Variants in KAZN observed in about 807,000 individuals in gnomAD.
KAZN encodes the protein kazrin, periplakin interacting protein, also known as kazrin.
KAZN carries 40 observed loss-of-function variants against 87.4 expected under a neutral mutation model. The observed-to-expected ratio is 0.46, with a 90% CI of 0.36 to 0.60. The LOEUF (loss-of-function observed/expected upper bound fraction) is 0.60, where lower values mean the gene tolerates loss of function less well. Among genes scored for constraint, KAZN ranks in the 20% least tolerant of loss-of-function variants. The probability of loss-of-function intolerance (pLI) is 0.00; values close to 1 mark genes in which losing one functional copy is unlikely to be tolerated. For synonymous variants in KAZN, 466 were observed against 458.3 expected (o/e 1.02, Z -0.22); for missense variants, 898 against 1,073.9 (o/e 0.84, Z 2.29).
chr1:14,808,507 G>T (rs897556320), intron 1 of KAZN, among the ~76,000 whole-genome samples: 1 of 150,900 alleles, frequency 6.6e-6, no homozygotes, highest in Non-Finnish European at 1.5e-5. Flanking sequence ...CATGTTGGCT[G>T]GGCTGGTCTC....
intron 1 of KAZN, among the ~76,000 whole-genome samples, chr1:14,929,384 A>C (rs1659541457): frequency 6.6e-6 from 1 of 152,188 alleles, no homozygotes; most frequent in South Asian, 2.1e-4. Context: ...AGCACCATTT[A>C]TGTTCTTTGT....
intron 2 of KAZN, among the ~76,000 whole-genome samples, chr1:14,460,736 A>C (rs1667811689): frequency 6.6e-6 from 1 of 152,204 alleles, no homozygotes; most frequent in Non-Finnish European, 1.5e-5. Flanking sequence ...TTTGGTCAGA[A>C]AATCAGAAAT....
intron 1 of KAZN, among the ~76,000 whole-genome samples, chr1:14,943,007 GGTGTGTGTGTGTGT>G (rs58102946): frequency 1.2e-4 from 12 of 100,862 alleles, no homozygotes; most frequent in Admixed American, 3.4e-4. Context: ...GTGTGTGTGT[GGTGTGTGTGTGTGT>G]GTGTGTGTGT....
intron 2 of KAZN, among the ~76,000 whole-genome samples, chr1:14,569,652 G>A (rs563860769): frequency 6.6e-6 from 1 of 151,900 alleles, no homozygotes; most frequent in African/African-American, 2.4e-5. Flanking sequence ...GGAAATACTC[G>A]ATAATATTTA....
intron 2 of KAZN, among the ~76,000 whole-genome samples, chr1:14,333,061 G>A (rs1012240425): frequency 3.5e-4 from 53 of 152,102 alleles, no homozygotes; most frequent in Middle Eastern, 3.4e-3. Flanking sequence ...GACAGGCCCT[G>A]GTGTGTGATG....
chr1:14,231,595 A>T (rs1407967112), intron 2 of KAZN, among the ~76,000 whole-genome samples: 7 of 152,200 alleles, frequency 4.6e-5, no homozygotes, highest in Non-Finnish European at 1.0e-4. Context: ...AAATCACTGA[A>T]GCCCTCAGCC....
intron 2 of KAZN, among the ~76,000 whole-genome samples, chr1:14,516,412 A>G (rs1671301959): frequency 2.0e-5 from 3 of 152,210 alleles, no homozygotes; most frequent in Admixed American, 1.3e-4. Flanking sequence ...AGAGAGGAAC[A>G]AGACCTAGGC....
chr1:14,438,306 A>G lies in KAZN; in HGVS notation c.250-160677A>G, dbSNP rs80335160. On this transcript the variant is annotated intron_variant, in intron 2 of 16. Coordinates refer to the KAZN transcript ENST00000636203. ...GATATGTCAATGAGCAAAACACGCT[A>G]AACAAACATCCCTGCCCTCAGGAGG... is the stretch of plus-strand genomic sequence containing the variant. Among the ~76,000 whole-genome samples, 564 of 152,250 alleles carry G rather than the reference A, an allele frequency of 3.7e-3. 2 individuals carry two copies. Among genetic ancestry groups the G allele is most frequent in the African/African-American group, 0.013 (548 of 41,550 alleles).
At chr1:13,909,312 T>C (rs1639563633) in intron 1 of KAZN, among the ~76,000 whole-genome samples, 1 of 152,170 alleles carries the variant, frequency 6.6e-6, no homozygotes, top group Non-Finnish European at 1.5e-5. Context: ...GTCTTTCTCC[T>C]TCCTGGGATG....
chr1:14,666,707 G>A (rs1357780498), intron 1 of KAZN, among the ~76,000 whole-genome samples: 2 of 151,988 alleles, frequency 1.3e-5, no homozygotes, highest in South Asian at 2.1e-4. Flanking sequence ...TCCCTTTCAC[G>A]GGGCCTTCTC....
rs1398714474 is a variant in KAZN, at chr1:15,081,821, T to A, written c.1223-12359T>A. On this transcript the variant is annotated intron_variant, in intron 8 of 14. Transcript: ENST00000376030. This position sits in a 1 kb window ranked among gnomAD's most constrained non-coding sequence, Gnocchi z 4.1. ...AAGGGCAGGGGTGAGAAGCTAAGGA[T>A]GAAGCTGGCAAGGTCGGCCTGTGGG... Among the ~76,000 whole-genome samples the A allele has an allele frequency of 6.6e-6, 1 of 151,988 alleles. No homozygotes were observed. The highest frequency in any genetic ancestry group is 1.5e-5 in the Non-Finnish European group (1 of 67,978).
At chr1:14,657,470 A>G (rs1572153285) in intron 1 of KAZN, among the ~76,000 whole-genome samples, 1 of 152,296 alleles carries the variant, frequency 6.6e-6, no homozygotes, top group Middle Eastern at 3.4e-3. Flanking sequence ...TGCATTTCTC[A>G]CAAGTTTCCA....
intron 2 of KAZN, among the ~76,000 whole-genome samples, chr1:14,355,797 A>C (rs1414617072): frequency 6.6e-6 from 1 of 152,194 alleles, no homozygotes; most frequent in Non-Finnish European, 1.5e-5. Flanking sequence ...TCCATGGTGT[A>C]TATGTGCCAC....
chr1:13,999,953 T>C (rs999388679), intron 1 of KAZN, among the ~76,000 whole-genome samples: 9 of 152,048 alleles, frequency 5.9e-5, no homozygotes, highest in Admixed American at 3.3e-4. Context: ...CTAAAAGAAA[T>C]AGATAAATTC....
chr1:14,158,238 A>G (rs1464751832), intron 1 of KAZN, among the ~76,000 whole-genome samples: 1 of 151,952 alleles, frequency 6.6e-6, no homozygotes, highest in South Asian at 2.1e-4. Flanking sequence ...AATAACTTAC[A>G]TTTGCTCTTT....
intron 1 of KAZN, among the ~76,000 whole-genome samples, chr1:14,789,379 A>T (rs1721830): frequency 0.63 from 95,249 of 151,928 alleles, 30,618 homozygotes; most frequent in South Asian, 0.73. Context: ...GACCCTCCTC[A>T]CTTTTCCAGA....
intron 1 of KAZN, among the ~76,000 whole-genome samples, chr1:14,170,451 C>A (rs1448989848): frequency 6.6e-6 from 1 of 152,080 alleles, no homozygotes; most frequent in Non-Finnish European, 1.5e-5. Flanking sequence ...TCAGCAGTGG[C>A]ATCCTTACAT....
At chr1:14,369,755 C>A (rs972825800) in intron 2 of KAZN, among the ~76,000 whole-genome samples, 1 of 152,116 alleles carries the variant, frequency 6.6e-6, no homozygotes, top group Non-Finnish European at 1.5e-5. Context: ...CAAAGTAAGC[C>A]CAACGTCCCC....
chr1:14,133,546 C>T (rs993790979), intron 1 of KAZN, among the ~76,000 whole-genome samples: 2 of 152,004 alleles, frequency 1.3e-5, no homozygotes, highest in Non-Finnish European at 2.9e-5. Flanking sequence ...TTGGCTTGCC[C>T]AGTGTCTTTT....
Sources: gnomAD v4.1 joint callset for allele counts (sites outside exome capture counted in the v4.1 genomes callset) on GRCh38, gnomAD v4.1.1 for gene constraint, Gnocchi (gnomAD v3.1) non-coding constraint, MANE v1.5 for transcripts, NCBI Gene and HGNC (gene_info 2026-07-23, HGNC 2026-07-21) for gene names.